Variants in WDR93 observed in about 807,000 individuals in gnomAD.
The protein encoded by WDR93 is WD repeat domain 93.
In WDR93, 73 loss-of-function variants were observed where a neutral mutation model predicts 82.9. The observed-to-expected ratio is 0.88, with a 90% CI of 0.73 to 1.07. WDR93 has a LOEUF of 1.07. Ranked by LOEUF, WDR93 falls within the 50% of genes least tolerant of loss-of-function variation. The probability of loss-of-function intolerance (pLI) is 0.00; values close to 1 mark genes in which losing one functional copy is unlikely to be tolerated. For synonymous variants in WDR93, 283 were observed against 300.1 expected (o/e 0.94, Z 0.59); for missense variants, 738 against 826.0 (o/e 0.89, Z 1.31).
chr15:89,717,045 C>CTTTTTTTTTTTTTTTTTTTT (rs11457156), intron 7 of WDR93, 96 bp downstream of exon 7: 18 of 172,164 alleles, frequency 1.0e-4, no homozygotes, highest in African/African-American at 2.5e-4. Flanking sequence ...CTTTTTCTTT[C>CTTTTTTTTTTTTTTTTTTTT]TTTTTTTTTT....
At chr15:89,705,342 A>G in intron 3 of WDR93, 2 of 562,308 alleles carry the variant, frequency 3.6e-6, no homozygotes, top group South Asian at 4.1e-5. Context: ...GGGTAGGTGG[A>G]GAGGACCCAG....
intron 1 of WDR93, among the ~76,000 whole-genome samples, chr15:89,697,319 C>T (rs1267844199): frequency 6.6e-6 from 1 of 152,024 alleles, no homozygotes; most frequent in Non-Finnish European, 1.5e-5. Flanking sequence ...ATATATTTAC[C>T]ATATGACCCA....
intron 16 of WDR93, among the ~76,000 whole-genome samples, chr15:89,741,273 C>T (rs1392827505): frequency 6.6e-6 from 1 of 152,098 alleles, no homozygotes; most frequent in Admixed American, 6.5e-5. Flanking sequence ...CAGGGTCATC[C>T]AGGCTGGAGT....
chr15:89,742,531 TCTTA>T (rs925780396), intron 16 of WDR93, among the ~76,000 whole-genome samples: 3 of 151,960 alleles, frequency 2.0e-5, no homozygotes, highest in African/African-American at 7.3e-5. Flanking sequence ...TTTAAACAAC[TCTTA>T]CTTTTTTTTT....
intron 6 of WDR93, 42 bp downstream of exon 6, chr15:89,715,137 C>T (rs1190919022): frequency 1.3e-6 from 2 of 1,568,364 alleles, no homozygotes; most frequent in African/African-American, 2.7e-5. Context: ...TTTCTCCCTA[C>T]CCCTGACCCA....
chr15:89,702,822 A>T, intron 2 of WDR93, 128 bp from the exon 3 acceptor site: 2 of 1,061,970 alleles, frequency 1.9e-6, no homozygotes, highest in Non-Finnish European at 2.7e-6. Context: ...TACAGGCGTT[A>T]GCCACTGCGT....
At chr15:89,724,315 C>A (rs190634243) in intron 8 of WDR93, among the ~76,000 whole-genome samples, 92 of 152,102 alleles carry the variant, frequency 6.0e-4, no homozygotes, top group Admixed American at 4.3e-3. Context: ...GCACTCCTGC[C>A]TGGGCGACAC....
At chr15:89,711,905 T>G (rs780912162) in intron 4 of WDR93, 121 bp from the exon 5 acceptor site, 2 of 578,580 alleles carry the variant, frequency 3.5e-6, no homozygotes, top group Non-Finnish European at 5.7e-6. Flanking sequence ...GTTTGAAGCA[T>G]CTTTTCATGT....
At chr15:89,690,718 C>G (rs942821443), upstream of WDR93, 1 of 958,152 alleles carries the variant, frequency 1.0e-6, no homozygotes, top group Admixed American at 2.3e-5. Flanking sequence ...ACGGTCAGTC[C>G]CAGGTTATCC....
intron 1 of WDR93, among the ~76,000 whole-genome samples, chr15:89,692,664 C>G (rs2141567593): frequency 6.6e-6 from 1 of 152,310 alleles, no homozygotes; most frequent in South Asian, 2.1e-4. Flanking sequence ...GGCTGGAGTG[C>G]AATGGCGCAA....
At chr15:89,734,960 TCTTC>T (rs940650934) in intron 13 of WDR93, among the ~76,000 whole-genome samples, 16 of 152,160 alleles carry the variant, frequency 1.1e-4, no homozygotes, top group South Asian at 2.1e-4. Context: ...CTCCAACTTG[TCTTC>T]CTTCCTTCCT....
At chr15:89,718,801 G>A (rs1479326490) in intron 7 of WDR93, among the ~76,000 whole-genome samples, 1 of 152,128 alleles carries the variant, frequency 6.6e-6, no homozygotes, top group African/African-American at 2.4e-5. Context: ...TTTTAGTAGA[G>A]ACAGGGTTTC....
At chr15:89,714,883 C>T in intron 5 of WDR93, 97 bp from the exon 6 acceptor site, 1 of 1,027,474 alleles carries the variant, frequency 9.7e-7, no homozygotes, top group Non-Finnish European at 1.4e-6. Context: ...TGGCTGGTCT[C>T]TTTGCCAGCA....
At chr15:89,732,073 C>G (rs1371875071) in intron 12 of WDR93, among the ~76,000 whole-genome samples, 4 of 152,228 alleles carry the variant, frequency 2.6e-5, no homozygotes, top group Non-Finnish European at 5.9e-5. Context: ...GTTCTAGGGT[C>G]CTGGGTCCAG....
chr15:89,702,994 G>T lies in WDR93; in HGVS notation c.348G>T (p.Val116=). The stretch of plus-strand genomic sequence containing the variant: ...GTATGGCTGTTTCCCAAGACTATGT[G>T]TTTATTGGAGGAGCCAAAGGATTCT... ...PNCMAVSQDY[V]FIGGAKGFSI... Residue 116 remains valine (V), a synonymous_variant, in exon 3 of 17, where the codon GTG becomes GTT. Transcript: ENST00000268130. 7 of 1,614,144 alleles carry T rather than the reference G, an allele frequency of 4.3e-6. No homozygotes were observed. Among genetic ancestry groups the T allele is most frequent in the Non-Finnish European group, 5.9e-6 (7 of 1,180,010 alleles).
intron 5 of WDR93, among the ~76,000 whole-genome samples, chr15:89,712,394 A>ATTTT (rs1177405888): frequency 1.6e-4 from 10 of 61,664 alleles, no homozygotes; most frequent in East Asian, 5.7e-4. Flanking sequence ...TTTTCCACTA[A>ATTTT]TCTTTTTTTT....
chr15:89,731,565 A>C lies in WDR93; in HGVS notation c.1330+3A>C, dbSNP rs1295758533. The C allele has an allele frequency of 6.2e-7, 1 of 1,614,038 alleles. No homozygotes were observed. Among genetic ancestry groups the C allele is most frequent in the Non-Finnish European group, 8.5e-7 (1 of 1,179,984 alleles). ...CACGCTGTGGGACCTGGCCAAAGGTAAGTCCTCCCTGCCTCTCTACCTAGT... is the reference window on the plus strand; with the variant it reads ...CACGCTGTGGGACCTGGCCAAAGGTCAGTCCTCCCTGCCTCTCTACCTAGT... On this transcript the variant is annotated splice_donor_region_variant and intron_variant, in intron 12 of 16. Coordinates refer to ENST00000268130, the MANE Select transcript of WDR93 (RefSeq NM_020212.2).
chr15:89,699,240 A>C (rs570974370), intron 1 of WDR93, among the ~76,000 whole-genome samples: 25 of 152,220 alleles, frequency 1.6e-4, no homozygotes, highest in African/African-American at 5.3e-4. Flanking sequence ...TTGTATGTCT[A>C]AAAAGGCTTT....
intron 1 of WDR93, among the ~76,000 whole-genome samples, chr15:89,692,043 C>T (rs1964915918): frequency 6.6e-6 from 1 of 152,178 alleles, no homozygotes; most frequent in Non-Finnish European, 1.5e-5. Context: ...TCCCACTTCC[C>T]TTTCTTTTCT....
Sources: allele counts gnomAD v4.1 joint callset (sites outside exome capture counted in the v4.1 genomes callset), GRCh38; gene constraint gnomAD v4.1.1; transcripts MANE v1.5; gene names NCBI Gene and HGNC (gene_info 2026-07-23, HGNC 2026-07-21).